The following FHIT variants were observed in gnomAD, a reference collection of about 807,000 sequenced individuals.
FHIT encodes the protein fragile histidine triad diadenosine triphosphatase, also known as bis(5'-adenosyl)-triphosphatase.
Under a neutral mutation model 17.9 loss-of-function variants are expected in FHIT, and 19 were observed. That is an observed-to-expected ratio of 1.06 (90% CI 0.74 to 1.56). The LOEUF is 1.56. FHIT is among the 40% of genes most tolerant of loss of function. The pLI is 0.00. For synonymous variants in FHIT, 81 were observed against 69.7 expected, an observed-to-expected ratio of 1.16 and a Z score of -0.81; for missense variants, 248 against 189.2, an observed-to-expected ratio of 1.31 and a Z score of -1.82.
intron 3 of FHIT, among the ~76,000 whole-genome samples, chr3:61,038,892 C>A (rs943331051): frequency 2.0e-5 from 3 of 152,062 alleles, no homozygotes; most frequent in African/African-American, 7.2e-5. Flanking sequence ...ACAGAAGAAC[C>A]AAATAACCAC....
intron 8 of FHIT, among the ~76,000 whole-genome samples, chr3:59,824,882 C>T (rs753206390): frequency 6.6e-6 from 1 of 152,190 alleles, no homozygotes; most frequent in Non-Finnish European, 1.5e-5. Flanking sequence ...TCTCCTAACC[C>T]CCACCATTGT....
chr3:59,915,254 C>T (rs1276386219), intron 8 of FHIT, among the ~76,000 whole-genome samples: 1 of 152,156 alleles, frequency 6.6e-6, no homozygotes, highest in Non-Finnish European at 1.5e-5. Context: ...CACAAGAAAG[C>T]CTGATTCGTG....
At chr3:60,281,450 G>T (rs781726396) in intron 5 of FHIT, among the ~76,000 whole-genome samples, 1 of 152,050 alleles carries the variant, frequency 6.6e-6, no homozygotes, top group Non-Finnish European at 1.5e-5. Context: ...AAGCTACAGC[G>T]ATCAAGACAG....
chr3:60,799,890 G>A (rs1464531824), intron 4 of FHIT, among the ~76,000 whole-genome samples: 1 of 152,086 alleles, frequency 6.6e-6, no homozygotes, highest in African/African-American at 2.4e-5. Context: ...TTGAGAGCCA[G>A]GATAATTTTT....
At chr3:59,997,397 T>C (rs942271173) in intron 7 of FHIT, among the ~76,000 whole-genome samples, 9 of 152,126 alleles carry the variant, frequency 5.9e-5, no homozygotes, top group African/African-American at 1.7e-4. Flanking sequence ...TGGTTCACAA[T>C]AATAAAAAGA....
intron 4 of FHIT, among the ~76,000 whole-genome samples, chr3:60,638,859 T>C (rs2039655448): frequency 6.6e-6 from 1 of 151,702 alleles, no homozygotes; most frequent in Admixed American, 6.6e-5. Context: ...CAAACAAATG[T>C]CATTTTAAAA....
intron 5 of FHIT, among the ~76,000 whole-genome samples, chr3:60,066,371 T>A (rs115889140): frequency 0.012 from 1,880 of 152,288 alleles, 27 homozygotes; most frequent in Non-Finnish European, 0.019. Context: ...TTAGGTTTTA[T>A]TGAAAGTGAG....
chr3:60,558,658 G>C (rs1448904104), intron 4 of FHIT, among the ~76,000 whole-genome samples: 1 of 152,072 alleles, frequency 6.6e-6, no homozygotes, highest in Non-Finnish European at 1.5e-5. Flanking sequence ...TCACTGCCTG[G>C]GGTCTTCTAT....
At chr3:60,561,553 G>A (rs1023519677) in intron 4 of FHIT, among the ~76,000 whole-genome samples, 2 of 152,064 alleles carry the variant, frequency 1.3e-5, no homozygotes, top group Admixed American at 6.5e-5. Flanking sequence ...CTGGGCAGGG[G>A]ACAGGTGAAT....
chr3:60,754,402 G>C lies in FHIT; in HGVS notation c.-18+67517C>G, dbSNP rs75995114. ...AGGCTGGTTTAGAAAAATCCTGCAGGATATGGAGTGTCTTTGGTGACAGAA... is the reference window on the plus strand; with the variant it reads ...AGGCTGGTTTAGAAAAATCCTGCAGCATATGGAGTGTCTTTGGTGACAGAA... On this transcript the variant is annotated intron_variant, in intron 4 of 9. Coordinates refer to ENST00000492590, the MANE Select transcript of FHIT (RefSeq NM_002012.4). Among the ~76,000 whole-genome samples the C allele has an allele frequency of 4.8e-3, 724 of 152,290 alleles. 3 individuals carry two copies. The highest frequency in any genetic ancestry group is 8.0e-3 in the Non-Finnish European group (543 of 68,022).
intron 5 of FHIT, among the ~76,000 whole-genome samples, chr3:60,174,775 C>G (rs1324832708): frequency 6.6e-6 from 1 of 151,894 alleles, no homozygotes; most frequent in Non-Finnish European, 1.5e-5. Context: ...GCATTTTCAT[C>G]ATCCTAAAAT....
intron 8 of FHIT, among the ~76,000 whole-genome samples, chr3:59,818,391 G>C (rs557200828): frequency 6.6e-6 from 1 of 152,160 alleles, no homozygotes; most frequent in East Asian, 1.9e-4. Context: ...GATGTGGAAG[G>C]AATCTCTACC....
chr3:61,127,923 C>T (rs534867928), intron 2 of FHIT, among the ~76,000 whole-genome samples: 18 of 152,174 alleles, frequency 1.2e-4, no homozygotes, highest in African/African-American at 4.3e-4. Flanking sequence ...TACACATCTA[C>T]ACATAGAAGG....
chr3:60,459,997 C>G (rs969366689), intron 5 of FHIT, among the ~76,000 whole-genome samples: 2 of 152,080 alleles, frequency 1.3e-5, no homozygotes, highest in Non-Finnish European at 2.9e-5. Flanking sequence ...CAATCAGCAA[C>G]CCAAAAGTCC....
At chr3:60,205,477 G>C (rs1339978889) in intron 5 of FHIT, among the ~76,000 whole-genome samples, 1 of 152,160 alleles carries the variant, frequency 6.6e-6, no homozygotes, top group Non-Finnish European at 1.5e-5. Context: ...AAAGATAAAG[G>C]TTGTTCATCA....
chr3:59,968,128 T>C (rs1035383981), intron 7 of FHIT, among the ~76,000 whole-genome samples: 1 of 152,082 alleles, frequency 6.6e-6, no homozygotes, highest in Admixed American at 6.6e-5. Flanking sequence ...CTATCACCTA[T>C]CTTTTTAGGG....
chr3:60,342,911 A>G (rs1308987294), intron 5 of FHIT, among the ~76,000 whole-genome samples: 1 of 152,144 alleles, frequency 6.6e-6, no homozygotes, highest in Non-Finnish European at 1.5e-5. Context: ...TCATCACTCT[A>G]ATCCACAGCT....
At position 60,801,313 on chromosome 3, in the gene FHIT, A is replaced by G. The variant is rs538138954; in HGVS notation, c.-18+20606T>C. On this transcript the variant is annotated intron_variant, in intron 4 of 9. Transcript: ENST00000492590. ...ATAGGGATGAAAATAGGGATGCCCA[A>G]TGCCACTTAGGCAAGAGGCTTCAGG... 7.9e-5 allele frequency among the ~76,000 whole-genome samples: 12 copies of G among 152,300 alleles called. No homozygotes were observed. In the South Asian group the frequency reaches 2.3e-3, roughly 29 times the overall value.
rs796525437 is a variant in FHIT at position 60,470,058 on chromosome 3, T to TTCTCTCTC, written c.103+66794_103+66801dup. 9.5e-4 allele frequency among the ~76,000 whole-genome samples: 136 copies of TTCTCTCTC among 143,036 alleles called. No homozygotes were observed. The South Asian group carries it at 0.015, about 16-fold the overall frequency. 93.8% of individuals were successfully genotyped at this position (143,036 alleles called of 152,430 possible). The stretch of plus-strand genomic sequence containing the variant: ...TCTCTCCCCTCTCCTCTCTCTTTCT[T>TTCTCTCTC]TCTCTCTCTCTCTCTCTCTCTCCAG... On this transcript the variant is annotated intron_variant, in intron 5 of 9. Coordinates refer to ENST00000492590, the MANE Select transcript of FHIT (RefSeq NM_002012.4).
Sources: gnomAD v4.1 joint callset for allele counts (sites outside exome capture counted in the v4.1 genomes callset) on GRCh38, gnomAD v4.1.1 for gene constraint, MANE v1.5 for transcripts, NCBI Gene and HGNC (gene_info 2026-07-23, HGNC 2026-07-21) for gene names.